The following ZFYVE28 variants were observed in gnomAD, a reference collection of about 807,000 sequenced individuals.
ZFYVE28 encodes lateral signaling target protein 2 homolog.
ZFYVE28 carries 40 observed loss-of-function variants against 82.1 expected under a neutral mutation model. The ratio of observed to expected loss-of-function variants is 0.49; its 90% confidence interval spans 0.38 to 0.63. The LOEUF is 0.63. Ranked by LOEUF, ZFYVE28 falls within the 30% of genes least tolerant of loss-of-function variation. The pLI is 0.00. For synonymous variants in ZFYVE28, 612 were observed against 546.1 expected (o/e 1.12, Z -1.68); for missense variants, 1,321 against 1,242.1 (o/e 1.06, Z -0.96).
chr4:2,328,189 G>C (rs1010443104), intron 6 of ZFYVE28, among the ~76,000 whole-genome samples: 2 of 152,226 alleles, frequency 1.3e-5, no homozygotes, highest in Admixed American at 1.3e-4. Context: ...AGAAAATGTG[G>C]TATATATACA....
chr4:2,393,437 T>C (rs914251852), intron 1 of ZFYVE28, among the ~76,000 whole-genome samples: 6 of 152,218 alleles, frequency 3.9e-5, no homozygotes, highest in African/African-American at 1.2e-4. Context: ...CTAGTTATTT[T>C]TGCTCATGCC....
chr4:2,291,887 G>A (rs1290293576), intron 8 of ZFYVE28, among the ~76,000 whole-genome samples: 1 of 152,214 alleles, frequency 6.6e-6, no homozygotes, highest in Non-Finnish European at 1.5e-5. Context: ...GGGCCAAGGA[G>A]CTAGGGTGGG....
Position 2,335,350 on chromosome 4 carries a change from C to T in ZFYVE28, c.701+355G>A, listed in dbSNP as rs1048200109. On this transcript the variant is annotated intron_variant, in intron 6 of 12. Transcript: ENST00000290974. The surrounding 1 kb of genome is among the most constrained non-coding windows in gnomAD (Gnocchi z 5.8). Reference sequence around the variant, plus strand: ...CCAAGTCTGCCTCCCACAGCCCCTGCGTGGCCACTCTGTTCCGAGCATGAC... The same window carrying T: ...CCAAGTCTGCCTCCCACAGCCCCTGTGTGGCCACTCTGTTCCGAGCATGAC... Among the ~76,000 whole-genome samples, 9 of 152,170 alleles carry T rather than the reference C, an allele frequency of 5.9e-5. No individual in the cohort carries two copies. Among genetic ancestry groups the T allele is most frequent in the African/African-American group, 1.4e-4 (6 of 41,448 alleles).
rs112557459 is a variant in ZFYVE28 at position 2,321,473 on chromosome 4, G to C, written c.702-1202C>G. On this transcript the variant is annotated intron_variant, in intron 6 of 12. Coordinates refer to ENST00000290974, the MANE Select transcript of ZFYVE28 (RefSeq NM_020972.3). ...CTCCGGGGCCCCTGTGGAGTGGCCA[G>C]CTCAGCTGGGCAGGGGGCTGTGTCT... Among the ~76,000 whole-genome samples the C allele has an allele frequency of 7.4e-3, 1,134 of 152,284 alleles. 5 individuals carry two copies. The highest frequency in any genetic ancestry group is 0.026 in the African/African-American group (1,072 of 41,568).
intron 1 of ZFYVE28, among the ~76,000 whole-genome samples, chr4:2,405,634 CG>C: frequency 6.6e-6 from 1 of 152,358 alleles, no homozygotes; most frequent in East Asian, 1.9e-4. Flanking sequence ...GAGTGGCCCC[CG>C]TGCCCATTGT....
chr4:2,349,679 G>A (rs1035254820), intron 2 of ZFYVE28, among the ~76,000 whole-genome samples: 104 of 152,184 alleles, frequency 6.8e-4, no homozygotes, highest in African/African-American at 2.5e-3. Context: ...TGCTGCTATT[G>A]CTGTTGAGTG....
Position 2,335,022 on chromosome 4 carries a change from A to T in ZFYVE28, c.701+683T>A, listed in dbSNP as rs1578140526. 6.6e-6 allele frequency among the ~76,000 whole-genome samples: 1 copy of T among 150,680 alleles called. No homozygotes were observed. Among genetic ancestry groups the T allele is most frequent in the East Asian group, 2.0e-4 (1 of 5,098 alleles). On this transcript the variant is annotated intron_variant, in intron 6 of 12. Coordinates refer to ENST00000290974, the MANE Select transcript of ZFYVE28 (RefSeq NM_020972.3). The surrounding 1 kb of genome is among the most constrained non-coding windows in gnomAD (Gnocchi z 5.8). ...CTCTAACCTTGGCCCCAGACAGCTC[A>T]GAGACGCTAAGCAGGTGACCCCGCG... is the stretch of plus-strand genomic sequence containing the variant.
chr4:2,277,275 T>A (rs1013440325), intron 8 of ZFYVE28, among the ~76,000 whole-genome samples: 1 of 151,974 alleles, frequency 6.6e-6, no homozygotes, highest in Non-Finnish European at 1.5e-5. Context: ...AGTTCAGGAG[T>A]TCGAGACCAG....
rs1039791904 is a variant in ZFYVE28 at position 2,332,268 on chromosome 4, C to A, written c.701+3437G>T. 4.6e-5 allele frequency among the ~76,000 whole-genome samples: 7 copies of A among 152,112 alleles called. No homozygotes were observed. Among genetic ancestry groups the A allele is most frequent in the African/African-American group, 7.2e-5 (3 of 41,404 alleles). ...CCCACTTCACAGAGGCAGGATCCTG[C>A]GAGGGTGTGGGCCCAGGAATGCAGG... is the stretch of plus-strand genomic sequence containing the variant. On this transcript the variant is annotated intron_variant, in intron 6 of 12. Coordinates refer to ENST00000290974, the MANE Select transcript of ZFYVE28 (RefSeq NM_020972.3). The surrounding 1 kb of genome is among the most constrained non-coding windows in gnomAD (Gnocchi z 4.7).
At chr4:2,354,544 C>T (rs551249794) in intron 1 of ZFYVE28, among the ~76,000 whole-genome samples, 3 of 151,574 alleles carry the variant, frequency 2.0e-5, no homozygotes, top group Admixed American at 2.0e-4. Flanking sequence ...CTGCAACCTC[C>T]GCCTCCTGGG....
intron 7 of ZFYVE28, among the ~76,000 whole-genome samples, chr4:2,312,913 C>T (rs1411351132): frequency 2.0e-5 from 3 of 151,812 alleles, no homozygotes; most frequent in South Asian, 2.1e-4. Context: ...GGCATGGAGG[C>T]GCATGCCTAT....
intron 1 of ZFYVE28, among the ~76,000 whole-genome samples, chr4:2,361,822 G>A (rs532347995): frequency 6.6e-6 from 1 of 152,270 alleles, no homozygotes; most frequent in Admixed American, 6.5e-5. Flanking sequence ...AATCCTGCAG[G>A]TGGGGACCTT....
At position 2,339,612 on chromosome 4, in the gene ZFYVE28, C is replaced by A; in HGVS notation, c.362G>T (p.Ser121Ile). 6.2e-7 allele frequency: 1 copy of A among 1,610,724 alleles called. No individual in the cohort carries two copies. Among genetic ancestry groups the A allele is most frequent in the Non-Finnish European group, 8.5e-7 (1 of 1,178,870 alleles). The change falls in exon 4 of 13, where the codon AGC becomes ATC. Residue 121 changes from serine (S) to isoleucine (I), a missense_variant. Ser to Ile is a moderately radical substitution (Grantham distance 142, BLOSUM62 -2). Coordinates refer to ENST00000290974, the MANE Select transcript of ZFYVE28 (RefSeq NM_020972.3). The surrounding 1 kb of genome is among the most constrained non-coding windows in gnomAD (Gnocchi z 5.0). The stretch of plus-strand genomic sequence containing the variant: ...CTTGGCCAGCGGGCGCATGGCCATG[C>A]TCTCCAGCTCCCGGTTCATGATGAT... ...GSIIMNRELE[S>I]MAMRPLAKEL...
chr4:2,342,891 G>A (rs1407381234), intron 2 of ZFYVE28: 1 of 152,240 alleles, frequency 6.6e-6, no homozygotes, highest in Non-Finnish European at 1.5e-5. Flanking sequence ...TATGACCGCA[G>A]GTGGGACACA....
At chr4:2,397,932 C>G (rs1031077088) in intron 1 of ZFYVE28, among the ~76,000 whole-genome samples, 1 of 148,804 alleles carries the variant, frequency 6.7e-6, no homozygotes, top group Non-Finnish European at 1.5e-5. Flanking sequence ...CAGTGAGAAA[C>G]TAGGAGGAGA....
At chr4:2,351,832 T>A (rs1014884014) in intron 2 of ZFYVE28, among the ~76,000 whole-genome samples, 17 of 152,236 alleles carry the variant, frequency 1.1e-4, no homozygotes, top group Admixed American at 9.8e-4. Context: ...CTTCTGGGGT[T>A]GGATTAATTT....
In ZFYVE28 at chr4:2,394,868, G is replaced by A. The variant is rs115393806; in HGVS notation, c.39+23417C>T. 6.2e-3 allele frequency among the ~76,000 whole-genome samples: 938 copies of A among 152,334 alleles called. 10 individuals are homozygous for A. Among genetic ancestry groups the A allele is most frequent in the African/African-American group, 0.021 (887 of 41,568 alleles). On this transcript the variant is annotated intron_variant, in intron 1 of 12. Coordinates refer to ENST00000290974, the MANE Select transcript of ZFYVE28 (RefSeq NM_020972.3). This position sits in a 1 kb window ranked among gnomAD's most constrained non-coding sequence, Gnocchi z 4.0. ...GTGGGTGGCACAGGGCAGGTGCCTCGCAAATTCAAGGGACTATCATTCAAT... is the reference window on the plus strand; with the variant it reads ...GTGGGTGGCACAGGGCAGGTGCCTCACAAATTCAAGGGACTATCATTCAAT...
In ZFYVE28 at chr4:2,417,710, T is replaced by C. The variant is rs778243964; in HGVS notation, c.39+575A>G. ...TTGGCAGGGCCATCAGGATCCTCTC[T>C]GGACATGGAAGGACGGGTCTGCCCT... On this transcript the variant is annotated intron_variant, in intron 1 of 12. Transcript: ENST00000290974. This position sits in a 1 kb window ranked among gnomAD's most constrained non-coding sequence, Gnocchi z 4.8. Among the ~76,000 whole-genome samples the C allele has an allele frequency of 1.1e-4, 16 of 151,948 alleles. No homozygotes were observed. Among genetic ancestry groups the C allele is most frequent in the South Asian group, 2.1e-4 (1 of 4,808 alleles).
At chr4:2,273,332 G>T in intron 9 of ZFYVE28, 43 bp from the exon 10 acceptor site, 1 of 1,560,334 alleles carries the variant, frequency 6.4e-7, no homozygotes, top group Non-Finnish European at 8.7e-7. Context: ...AAGGACGGAT[G>T]GAAGGAACTG....
Sources: allele counts gnomAD v4.1 joint callset (sites outside exome capture counted in the v4.1 genomes callset), GRCh38; gene constraint gnomAD v4.1.1; non-coding constraint Gnocchi (gnomAD v3.1); transcripts MANE v1.5; gene names NCBI Gene and HGNC (gene_info 2026-07-23, HGNC 2026-07-21).